ALKAL2: variants seen among roughly 807,000 people sequenced by gnomAD.
The protein encoded by ALKAL2 is AUG-alpha.
ALKAL2 carries 8 observed loss-of-function variants against 18.5 expected under a neutral mutation model. The ratio of observed to expected loss-of-function variants is 0.43; its 90% confidence interval spans 0.25 to 0.78. The LOEUF (loss-of-function observed/expected upper bound fraction) is 0.78, where lower values mean the gene tolerates loss of function less well. Ranked by LOEUF, ALKAL2 falls within the 30% of genes least tolerant of loss-of-function variation. The pLI is 0.22. For missense variants in ALKAL2, 241 were observed against 211.2 expected (o/e 1.14, Z -0.88); for synonymous variants, 135 against 95.8 (o/e 1.41, Z -2.39).
Position 283,653 on chromosome 2 carries a change from C to T in ALKAL2, c.389-478G>A, listed in dbSNP as rs1045327460. 1.8e-5 allele frequency: 17 copies of T among 939,334 alleles called. No homozygotes were observed. The East Asian group carries it at 3.5e-4, about 19-fold the overall frequency. 58.2% of individuals were successfully genotyped at this position (939,334 alleles called of 1,614,324 possible). The stretch of plus-strand genomic sequence containing the variant: ...GCAGAGGCCTGGAGTGGATGGCGAG[C>T]GGAAGCAATGTGCCCGTTTCTAAGC... On this transcript the variant is annotated intron_variant, in intron 4 of 5. Coordinates refer to ENST00000403610, the MANE Select transcript of ALKAL2 (RefSeq NM_001002919.3).
intron 4 of ALKAL2, 64 bp downstream of exon 4, chr2:286,059 G>T: frequency 7.0e-7 from 1 of 1,426,618 alleles, no homozygotes; most frequent in Non-Finnish European, 9.8e-7. Context: ...TGAGGAAATG[G>T]AAAGAGGGGA....
Position 287,911 on chromosome 2 carries a change from G to GGGGGGCCGGAGAGAAAGTCAGCGGGGGA in ALKAL2, c.-57-47_-57-20dup, listed in dbSNP as rs1670583436. ...GGGCTCGCTGCGAGAGAAGGGGCGC[G>GGGGGGCCGGAGAGAAAGTCAGCGGGGGA]GGGGGCCGGAGAGAAAGTCAGCGGG... is the stretch of plus-strand genomic sequence containing the variant. On this transcript the variant is annotated intron_variant, in intron 1 of 5. Coordinates refer to ENST00000403610, the MANE Select transcript of ALKAL2 (RefSeq NM_001002919.3). The GGGGGGCCGGAGAGAAAGTCAGCGGGGGA allele has an allele frequency of 8.0e-7, 1 of 1,246,200 alleles. No homozygotes were observed. Among genetic ancestry groups the GGGGGGCCGGAGAGAAAGTCAGCGGGGGA allele is most frequent in the South Asian group, 3.4e-5 (1 of 29,438 alleles). 77.2% of individuals were successfully genotyped at this position (1,246,200 alleles called of 1,614,324 possible).
At chr2:282,358 G>T (rs936403281) in intron 5 of ALKAL2, among the ~76,000 whole-genome samples, 1 of 152,246 alleles carries the variant, frequency 6.6e-6, no homozygotes, top group Admixed American at 6.5e-5. Context: ...TGGACAGGAA[G>T]CCTGTCTTTC....
At position 281,069 on chromosome 2, in the gene ALKAL2, T is replaced by C. The variant is rs184894647; in HGVS notation, c.454-917A>G. ...GACACCTGCCCTGCCCTCTGGTGTC[T>C]CACTGAGGTCTGCAAAGCACAGAGA... On this transcript the variant is annotated intron_variant, in intron 5 of 5. Transcript: ENST00000403610. Among the ~76,000 whole-genome samples, 5 of 152,350 alleles carry C rather than the reference T, an allele frequency of 3.3e-5. No individual in the cohort carries two copies. In the East Asian group the frequency reaches 9.6e-4, roughly 29 times the overall value.
intron 5 of ALKAL2, 26 bp downstream of exon 5, chr2:283,085 T>G: frequency 6.2e-7 from 1 of 1,600,456 alleles, no homozygotes; most frequent in South Asian, 1.1e-5. Context: ...TGGTATGTGC[T>G]CCAGTGTGTG....
chr2:287,680 G>C lies in ALKAL2; in HGVS notation c.156C>G (p.His52Gln), dbSNP rs1296967192. The change falls in exon 2 of 6, where the codon CAC becomes CAG. Residue 52 changes from histidine (H) to glutamine (Q), a missense_variant. Physicochemically the swap from His to Gln is conservative, Grantham distance 24. Coordinates refer to ENST00000403610, the MANE Select transcript of ALKAL2 (RefSeq NM_001002919.3). ...VELVQELRKHHSAEHKGLQLL... is the reference protein window; with the variant it reads ...VELVQELRKHQSAEHKGLQLL... Reference sequence around the variant, plus strand: ...GCTGCAGGCCCTTGTGCTCCGCCGAGTGGTGCTTCCGCAGCTCCTGGACGA... The same window carrying C: ...GCTGCAGGCCCTTGTGCTCCGCCGACTGGTGCTTCCGCAGCTCCTGGACGA... 1 of 1,483,340 alleles carries C rather than the reference G, an allele frequency of 6.7e-7. No individual in the cohort carries two copies. Among genetic ancestry groups the C allele is most frequent in the African/African-American group, 1.5e-5 (1 of 68,500 alleles). 91.9% of individuals were successfully genotyped at this position (1,483,340 alleles called of 1,614,324 possible).
intron 2 of ALKAL2, 112 bp downstream of exon 2, chr2:287,471 G>T: frequency 8.0e-6 from 4 of 498,774 alleles, no homozygotes; most frequent in Non-Finnish European, 1.2e-5. Flanking sequence ...AAAAAAAAAA[G>T]GAATCCTGCT....
intron 4 of ALKAL2, among the ~76,000 whole-genome samples, chr2:285,455 A>T (rs913010672): frequency 9.2e-5 from 14 of 151,724 alleles, no homozygotes; most frequent in African/African-American, 3.1e-4. Context: ...AGTCCGAATT[A>T]AAAAAAATGG....
intron 4 of ALKAL2, among the ~76,000 whole-genome samples, chr2:285,194 G>A (rs1213876055): frequency 6.6e-6 from 1 of 152,230 alleles, no homozygotes; most frequent in East Asian, 1.9e-4. Flanking sequence ...GCATGCACCC[G>A]GCACACAGAA....
intron 5 of ALKAL2, among the ~76,000 whole-genome samples, chr2:282,630 T>TG (rs1670389530): frequency 6.6e-6 from 1 of 150,958 alleles, no homozygotes; most frequent in African/African-American, 2.4e-5. Flanking sequence ...TTAGAGGCTG[T>TG]GAAAAAAAAA....
At chr2:285,460 A>G (rs1670479468) in intron 4 of ALKAL2, among the ~76,000 whole-genome samples, 1 of 152,232 alleles carries the variant, frequency 6.6e-6, no homozygotes, top group Admixed American at 6.5e-5. Context: ...GAATTAAAAA[A>G]AATGGGTTAG....
At position 279,893 on chromosome 2, in the gene ALKAL2, G is replaced by A. The variant is rs528850099; in HGVS notation, c.*254C>T. 1.4e-4 allele frequency: 65 copies of A among 475,690 alleles called. No individual in the cohort carries two copies. The South Asian group carries it at 2.2e-3, about 16-fold the overall frequency. The allele number at this position is 475,690 out of a possible 1,614,324, so 29.5% of individuals were successfully genotyped here. Reference sequence around the variant, plus strand: ...TATTCTGTGTTTTATAGCACTACACGTCAAATGTGGAGCATTCCTTTTGTG... The same window carrying A: ...TATTCTGTGTTTTATAGCACTACACATCAAATGTGGAGCATTCCTTTTGTG... On this transcript the variant is annotated 3_prime_UTR_variant, in exon 6 of 6. Transcript: ENST00000403610.
chr2:284,358 A>G lies in ALKAL2; in HGVS notation c.389-1183T>C, dbSNP rs1670439154. On this transcript the variant is annotated intron_variant, in intron 4 of 5. Coordinates refer to ENST00000403610, the MANE Select transcript of ALKAL2 (RefSeq NM_001002919.3). Reference sequence around the variant, plus strand: ...TGGGACTTAGTTCTGCATTCCCAACAAGCTCCCCATGGGACCACACTTTGA... The same window carrying G: ...TGGGACTTAGTTCTGCATTCCCAACGAGCTCCCCATGGGACCACACTTTGA... Among the ~76,000 whole-genome samples, 6 of 152,272 alleles carry G rather than the reference A, an allele frequency of 3.9e-5. No homozygotes were observed. In the South Asian group the frequency reaches 1.2e-3, roughly 32 times the overall value.
At position 287,859 on chromosome 2, in the gene ALKAL2, G is replaced by A. The variant is rs995911083; in HGVS notation, c.-24C>T. The A allele has an allele frequency of 3.9e-6, 5 of 1,281,324 alleles. No individual in the cohort carries two copies. In the African/African-American group the frequency reaches 7.8e-5, roughly 20 times the overall value. The allele number at this position is 1,281,324 out of a possible 1,614,324, so 79.4% of individuals were successfully genotyped here. A position where few individuals can be genotyped will look rare whatever the true frequency, so the allele number is the denominator to read the frequency against. The stretch of plus-strand genomic sequence containing the variant: ...ATCGTGCGCTCGGGGCCGCGGGGCT[G>A]GGAGACTCCGACACGCGCCGAGAGC... On this transcript the variant is annotated 5_prime_UTR_variant, in exon 2 of 6. Coordinates refer to ENST00000403610, the MANE Select transcript of ALKAL2 (RefSeq NM_001002919.3).
At chr2:282,776 A>T (rs554739591) in intron 5 of ALKAL2, among the ~76,000 whole-genome samples, 1 of 152,246 alleles carries the variant, frequency 6.6e-6, no homozygotes, top group Non-Finnish European at 1.5e-5. Flanking sequence ...TTAGTGAATG[A>T]ATGAATGCCT....
At chr2:286,080 G>A (rs759422912) in intron 4 of ALKAL2, 43 bp downstream of exon 4, 3 of 1,542,188 alleles carry the variant, frequency 1.9e-6, no homozygotes, top group Non-Finnish European at 2.7e-6. Flanking sequence ...ACCGCTGCCT[G>A]CACTGCTCTT....
At chr2:284,155 G>A (rs1356843250) in intron 4 of ALKAL2, among the ~76,000 whole-genome samples, 1 of 152,232 alleles carries the variant, frequency 6.6e-6, no homozygotes, top group East Asian at 1.9e-4. Flanking sequence ...GCAGTGGAAT[G>A]TGTGATTTCA....
intron 4 of ALKAL2, 43 bp downstream of exon 4, chr2:286,080 G>T (rs759422912): frequency 1.9e-5 from 29 of 1,542,186 alleles, no homozygotes; most frequent in Non-Finnish European, 2.5e-5. Flanking sequence ...ACCGCTGCCT[G>T]CACTGCTCTT....
Position 287,567 on chromosome 2 carries a change from G to GCTCGGCCCCA in ALKAL2, c.253+6_253+15dup. ...CCCAGCAGCCCCGGCCCTCGGGCGC[G>GCTCGGCCCCA]CTCGGCCCCACTCACCCACTCGCTG... is the stretch of plus-strand genomic sequence containing the variant. On this transcript the variant is annotated intron_variant, in intron 2 of 5. Transcript: ENST00000403610. The GCTCGGCCCCA allele has an allele frequency of 5.8e-6, 8 of 1,379,168 alleles. No individual in the cohort carries two copies. The highest frequency in any genetic ancestry group is 7.5e-6 in the Non-Finnish European group (8 of 1,070,436). 85.4% of individuals were successfully genotyped at this position (1,379,168 alleles called of 1,614,324 possible). A position where few individuals can be genotyped will look rare whatever the true frequency, so the allele number is the denominator to read the frequency against.
Sources: gnomAD v4.1 joint callset for allele counts (sites outside exome capture counted in the v4.1 genomes callset) on GRCh38, gnomAD v4.1.1 for gene constraint, MANE v1.5 for transcripts, NCBI Gene and HGNC (gene_info 2026-07-23, HGNC 2026-07-21) for gene names.